NCKAP1L: variants seen among roughly 807,000 people sequenced by gnomAD.
NCKAP1L encodes the protein nck-associated protein 1-like.
A neutral mutation model predicts 139.2 loss-of-function variants in NCKAP1L; 53 were observed. That is an observed-to-expected ratio of 0.38 (90% CI 0.31 to 0.48). NCKAP1L has a LOEUF of 0.48. Ranked by LOEUF, NCKAP1L falls within the 20% of genes least tolerant of loss-of-function variation. NCKAP1L has a pLI of 0.98. For synonymous variants in NCKAP1L, 468 were observed against 499.7 expected (o/e 0.94, Z 0.85); for missense variants, 1,151 against 1,381.9 (o/e 0.83, Z 2.65).
Position 54,531,243 on chromosome 12 carries a change from C to T in NCKAP1L, c.2507-17C>T, listed in dbSNP as rs1565681638. 1.9e-6 allele frequency: 3 copies of T among 1,610,128 alleles called. No individual in the cohort carries two copies. The African/African-American group carries it at 4.0e-5, about 22-fold the overall frequency. On this transcript the variant is annotated splice_polypyrimidine_tract_variant and intron_variant, in intron 22 of 30. Transcript: ENST00000293373. ...GCCTTCTGAGTCCCATCTGGGGCCT[C>T]TGTAACTCTGTTCCAGAGATGCGGG...
intron 21 of NCKAP1L, among the ~76,000 whole-genome samples, chr12:54,527,054 G>T (rs1184708565): frequency 6.6e-6 from 1 of 152,094 alleles, no homozygotes; most frequent in Non-Finnish European, 1.5e-5. Context: ...AATTTCAAAT[G>T]ATCTCTCTTC....
chr12:54,532,598 A>AG (rs1442249709), intron 26 of NCKAP1L, among the ~76,000 whole-genome samples: 1 of 152,136 alleles, frequency 6.6e-6, no homozygotes, highest in African/African-American at 2.4e-5. Flanking sequence ...TTTAGTCTTG[A>AG]GGTTAGGTAC....
rs540179913 is a variant in NCKAP1L at position 54,509,621 on chromosome 12, G to T, written c.507-48G>T. On this transcript the variant is annotated intron_variant, in intron 5 of 30. Transcript: ENST00000293373. ...CCTATATGCAAACATAAGAGTTCAA[G>T]TCATGGGTAAGGGAGGGCTGTAACC... 26 of 1,334,742 alleles carry T rather than the reference G, an allele frequency of 1.9e-5. No individual in the cohort carries two copies. In the South Asian group the frequency reaches 2.6e-4, roughly 13 times the overall value. 82.7% of individuals were successfully genotyped at this position (1,334,742 alleles called of 1,614,324 possible). A position where few individuals can be genotyped will look rare whatever the true frequency, so the allele number is the denominator to read the frequency against.
Position 54,528,317 on chromosome 12 carries a change from G to C in NCKAP1L, c.2446G>C (p.Val816Leu), listed in dbSNP as rs763605512. The stretch of plus-strand genomic sequence containing the variant: ...CCTCTCCCCAGCCATGCAGGCCTTC[G>C]TCAGCCTGCCCAGAGAAGGGGAGCA... ...IILSPAMQAFVSLPREGEQNF... is the reference protein window; with the variant it reads ...IILSPAMQAFLSLPREGEQNF... The change falls in exon 22 of 31, where the codon GTC becomes CTC. Residue 816 changes from valine to leucine, a missense_variant. By Grantham distance (32) the Val-to-Leu change is conservative. Transcript: ENST00000293373. 6.2e-7 allele frequency: 1 copy of C among 1,613,872 alleles called. No homozygotes were observed. The highest frequency in any genetic ancestry group is 1.1e-5 in the South Asian group (1 of 91,074).
At chr12:54,539,092 T>A in intron 30 of NCKAP1L, 119 bp downstream of exon 30, 1 of 734,884 alleles carries the variant, frequency 1.4e-6, no homozygotes, top group Non-Finnish European at 2.3e-6. Context: ...ACTAAGGACT[T>A]AACTCTGCAT....
At chr12:54,519,610 C>T (rs961705103) in intron 16 of NCKAP1L, among the ~76,000 whole-genome samples, 2 of 152,002 alleles carry the variant, frequency 1.3e-5, no homozygotes, top group Admixed American at 1.3e-4. Context: ...TGCCTGGCCT[C>T]TGCGGAGGAC....
chr12:54,532,160 T>G lies in NCKAP1L; in HGVS notation c.2782-10T>G. On this transcript the variant is annotated splice_polypyrimidine_tract_variant and intron_variant, in intron 25 of 30. Coordinates refer to ENST00000293373, the MANE Select transcript of NCKAP1L (RefSeq NM_005337.5). The stretch of plus-strand genomic sequence containing the variant: ...GTCTTGTGGACTCATTTATCTTCTC[T>G]TTCCTCCAGGTTTTCTCCTCCCACT... 6.2e-7 allele frequency: 1 copy of G among 1,609,792 alleles called. No homozygotes were observed. The highest frequency in any genetic ancestry group is 8.5e-7 in the Non-Finnish European group (1 of 1,177,086).
At chr12:54,541,169 C>T (rs1957155353) in intron 30 of NCKAP1L, among the ~76,000 whole-genome samples, 1 of 152,164 alleles carries the variant, frequency 6.6e-6, no homozygotes, top group Non-Finnish European at 1.5e-5. Context: ...CAGAACCAGA[C>T]CAGATCCTGG....
intron 21 of NCKAP1L, among the ~76,000 whole-genome samples, chr12:54,527,544 T>A (rs750698702): frequency 5.3e-5 from 8 of 152,178 alleles, no homozygotes; most frequent in Non-Finnish European, 1.2e-4. Flanking sequence ...TATGTAAAAA[T>A]CTGTTTCAAA....
At position 54,509,963 on chromosome 12, in the gene NCKAP1L, T is replaced by A. The variant is rs762909154; in HGVS notation, c.713T>A (p.Ile238Asn). ...CTCATCAGCAACCCCCCAGCCATGATTAACCCTGCTAATTCAGATACAGTG... is the reference window on the plus strand; with the variant it reads ...CTCATCAGCAACCCCCCAGCCATGAATAACCCTGCTAATTCAGATACAGTG... ...LSLISNPPAM[I>N]NPANSDTMAC... is the part of the protein sequence containing the mutation. Residue 238 changes from isoleucine to asparagine, a missense_variant, in exon 7 of 31, where the codon ATT becomes AAT. By Grantham distance (149) the Ile-to-Asn change is moderately radical. Coordinates refer to ENST00000293373, the MANE Select transcript of NCKAP1L (RefSeq NM_005337.5). 1 of 1,614,258 alleles carries A rather than the reference T, an allele frequency of 6.2e-7. No homozygotes were observed. The highest frequency in any genetic ancestry group is 1.7e-5 in the Admixed American group (1 of 60,028).
intron 30 of NCKAP1L, 63 bp downstream of exon 30, chr12:54,539,036 T>G (rs1280498350): frequency 1.4e-6 from 2 of 1,407,022 alleles, no homozygotes; most frequent in East Asian, 4.6e-5. Context: ...GAGACTTCTG[T>G]TTAGGGTCTT....
At chr12:54,533,605 G>T (rs765005947) in intron 26 of NCKAP1L, among the ~76,000 whole-genome samples, 1 of 151,630 alleles carries the variant, frequency 6.6e-6, no homozygotes, top group Non-Finnish European at 1.5e-5. Flanking sequence ...ACAGAGTCTC[G>T]CTGTGTTGCC....
intron 3 of NCKAP1L, among the ~76,000 whole-genome samples, chr12:54,504,964 G>C (rs1179835713): frequency 6.6e-6 from 1 of 152,208 alleles, no homozygotes; most frequent in East Asian, 1.9e-4. Flanking sequence ...TATTCCACTG[G>C]AATTTGGGTG....
chr12:54,519,462 T>G (rs1956964169), intron 16 of NCKAP1L, 130 bp downstream of exon 16: 1 of 672,410 alleles, frequency 1.5e-6, no homozygotes, highest in African/African-American at 2.1e-5. Context: ...AAGAGACAGA[T>G]CTCACTATGT....
chr12:54,517,739 T>G (rs1956945486), intron 12 of NCKAP1L, 67 bp from the exon 13 acceptor site: 2 of 1,603,124 alleles, frequency 1.2e-6, no homozygotes, highest in East Asian at 4.5e-5. Flanking sequence ...TGCCCTGATA[T>G]CACTGTGTTT....
chr12:54,500,520 G>T lies in NCKAP1L; in HGVS notation c.214-13G>T. On this transcript the variant is annotated splice_polypyrimidine_tract_variant and intron_variant, in intron 2 of 30. Coordinates refer to ENST00000293373, the MANE Select transcript of NCKAP1L (RefSeq NM_005337.5). ...TTGCACTTTTTTATTGTTTTGTTTT[G>T]TGTTTCTCTCAGCAACATTTAGGAC... 1 of 1,579,484 alleles carries T rather than the reference G, an allele frequency of 6.3e-7. No individual in the cohort carries two copies. The highest frequency in any genetic ancestry group is 1.3e-5 in the African/African-American group (1 of 74,290).
chr12:54,536,222 C>A lies in NCKAP1L; in HGVS notation c.3050C>A (p.Ser1017Tyr). The A allele has an allele frequency of 6.2e-7, 1 of 1,612,566 alleles. No individual in the cohort carries two copies. The highest frequency in any genetic ancestry group is 1.1e-5 in the South Asian group (1 of 91,026). ...SLPLLATDPS[S>Y]FYSIEKDGYN... is the part of the protein sequence containing the mutation. ...CCACTCCTTGCCACTGACCCTTCTT[C>A]CTTTTATAGCATTGAGAAGGATGGT... The change falls in exon 28 of 31, where the codon TCC (serine) becomes TAC (tyrosine). Residue 1017 changes from serine to tyrosine, a missense_variant. Coordinates refer to ENST00000293373, the MANE Select transcript of NCKAP1L (RefSeq NM_005337.5).
chr12:54,515,688 C>T lies in NCKAP1L; in HGVS notation c.942-551C>T, dbSNP rs11170961. Among the ~76,000 whole-genome samples the T allele has an allele frequency of 1.4e-3, 212 of 152,018 alleles. 2 individuals carry two copies. Among genetic ancestry groups the T allele is most frequent in the South Asian group, 3.7e-3 (18 of 4,818 alleles). ...GTCAAGCAAGGATCTTCTTAGAATA[C>T]GGGAGGCTTTGAACTTATTTGTTGG... is the stretch of plus-strand genomic sequence containing the variant. On this transcript the variant is annotated intron_variant, in intron 9 of 30. Transcript: ENST00000293373.
chr12:54,523,416 C>T lies in NCKAP1L; in HGVS notation c.1901C>T (p.Thr634Ile). 3 of 1,614,138 alleles carry T rather than the reference C, an allele frequency of 1.9e-6. No individual in the cohort carries two copies. The highest frequency in any genetic ancestry group is 2.5e-6 in the Non-Finnish European group (3 of 1,180,016). Reference protein sequence around the residue: ...SEQLLPKHCATTISKAKNKKT... With the variant: ...SEQLLPKHCAITISKAKNKKT... ...AAGCTTCTACCTAAGCACTGTGCCACTACAATCAGCAAAGCCAAGAACAAG... is the reference window on the plus strand; with the variant it reads ...AAGCTTCTACCTAAGCACTGTGCCATTACAATCAGCAAAGCCAAGAACAAG... The change falls in exon 19 of 31, where the codon ACT becomes ATT. Residue 634 changes from threonine (T) to isoleucine (I), a missense_variant. Transcript: ENST00000293373.
Sources: allele counts gnomAD v4.1 joint callset (sites outside exome capture counted in the v4.1 genomes callset), GRCh38; gene constraint gnomAD v4.1.1; transcripts MANE v1.5; gene names NCBI Gene and HGNC (gene_info 2026-07-23, HGNC 2026-07-21).